Variants in ATAD2 observed in about 807,000 individuals in gnomAD.
ATAD2 encodes the protein ATPase family AAA domain-containing protein 2.
In ATAD2, 62 loss-of-function variants were observed where a neutral mutation model predicts 168.9. That is an observed-to-expected ratio of 0.37 (90% confidence interval 0.30 to 0.45). The LOEUF is 0.45. Ranked by LOEUF, ATAD2 falls within the 20% of genes least tolerant of loss-of-function variation. The pLI, the probability that ATAD2 is intolerant of heterozygous loss-of-function variation, is 1.00. For missense variants in ATAD2, 1,419 were observed against 1,667.8 expected (o/e 0.85, Z 2.60); for synonymous variants, 613 against 571.6 (o/e 1.07, Z -1.03).
chr8:123,413,231 C>G (rs1026325756), intron 1 of ATAD2, among the ~76,000 whole-genome samples: 1 of 149,654 alleles, frequency 6.7e-6, no homozygotes, highest in Non-Finnish European at 1.5e-5. Flanking sequence ...AGCGCCCCCC[C>G]CCCCCCAACT....
chr8:123,403,537 A>G (rs1813034341), intron 1 of ATAD2, among the ~76,000 whole-genome samples: 1 of 151,846 alleles, frequency 6.6e-6, no homozygotes, highest in Non-Finnish European at 1.5e-5. Context: ...CCTGGATTCA[A>G]CCAATCCTCC....
chr8:123,388,091 G>C (rs537135478), intron 1 of ATAD2, among the ~76,000 whole-genome samples: 2 of 152,242 alleles, frequency 1.3e-5, no homozygotes, highest in East Asian at 3.9e-4. Flanking sequence ...CTCCAACTTA[G>C]TTTCTACCTC....
At chr8:123,409,940 G>GAAA (rs33947485) in intron 1 of ATAD2, among the ~76,000 whole-genome samples, 11 of 102,862 alleles carry the variant, frequency 1.1e-4, no homozygotes, top group East Asian at 8.5e-4. Context: ...CTCCATCTCG[G>GAAA]AAAAAAAAAA....
chr8:123,388,945 T>C (rs889342612), intron 1 of ATAD2, among the ~76,000 whole-genome samples: 1 of 151,774 alleles, frequency 6.6e-6, no homozygotes, highest in African/African-American at 2.4e-5. Context: ...CTTAATTCTT[T>C]TTGTGCTTTG....
At chr8:123,389,850 T>C (rs1416458609) in intron 1 of ATAD2, among the ~76,000 whole-genome samples, 1 of 148,956 alleles carries the variant, frequency 6.7e-6, no homozygotes, top group Non-Finnish European at 1.5e-5. Flanking sequence ...ACTAAGAATC[T>C]AGTAATGAGG....
intron 1 of ATAD2, among the ~76,000 whole-genome samples, chr8:123,389,508 C>T (rs1465994903): frequency 2.6e-5 from 4 of 151,406 alleles, no homozygotes; most frequent in South Asian, 2.1e-4. Flanking sequence ...GGCGTGGTGG[C>T]GGGCGCCTGT....
chr8:123,351,998 T>C (rs1228907784), intron 13 of ATAD2, among the ~76,000 whole-genome samples: 1 of 152,202 alleles, frequency 6.6e-6, no homozygotes. Context: ...TCCACCCGCC[T>C]TGGCCTCCCA....
chr8:123,366,763 A>C (rs1010181922), intron 8 of ATAD2, among the ~76,000 whole-genome samples: 2 of 151,986 alleles, frequency 1.3e-5, no homozygotes, highest in Non-Finnish European at 2.9e-5. Flanking sequence ...TGAGGGATAA[A>C]AGACAACAAG....
chr8:123,405,506 T>G (rs1264140546), intron 1 of ATAD2, among the ~76,000 whole-genome samples: 1 of 152,000 alleles, frequency 6.6e-6, no homozygotes, highest in Non-Finnish European at 1.5e-5. Context: ...TCAGATGATC[T>G]GCCCACCTCG....
chr8:123,393,933 A>T (rs1176216730), intron 1 of ATAD2, among the ~76,000 whole-genome samples: 1 of 152,104 alleles, frequency 6.6e-6, no homozygotes, highest in Admixed American at 6.6e-5. Context: ...ATAAATAAAT[A>T]AATAATCCAG....
intron 13 of ATAD2, among the ~76,000 whole-genome samples, chr8:123,350,494 C>T (rs956086887): frequency 6.8e-4 from 103 of 152,252 alleles, no homozygotes; most frequent in African/African-American, 2.4e-3. Flanking sequence ...AATCCAGGAC[C>T]CACACACTAC....
In ATAD2 at chr8:123,402,724, G is replaced by A. The variant is rs578026754; in HGVS notation, c.-2281-1549C>T. Among the ~76,000 whole-genome samples, 219 of 152,252 alleles carry A rather than the reference G, an allele frequency of 1.4e-3. 1 individual carries two copies. Among genetic ancestry groups the A allele is most frequent in the African/African-American group, 4.9e-3 (205 of 41,540 alleles). On this transcript the variant is annotated intron_variant, in intron 1 of 28. Transcript: ENST00000521903. This position sits in a 1 kb window ranked among gnomAD's most constrained non-coding sequence, Gnocchi z 4.8. ...TACCATTCCTGCCCTCTCCTCAGCT[G>A]TAGTTGAAGGCTTTAACTTTGCACA...
intron 19 of ATAD2, among the ~76,000 whole-genome samples, chr8:123,344,157 T>G (rs1342187306): frequency 1.3e-5 from 2 of 151,682 alleles, no homozygotes; most frequent in South Asian, 4.2e-4. Flanking sequence ...TAGAAAAAAA[T>G]CTGGAAAACA....
At position 123,402,265 on chromosome 8, in the gene ATAD2, C is replaced by T. The variant is rs550654028; in HGVS notation, c.-2281-1090G>A. ...GGCGAAGTTGTGAGGGGTCTGTGACCCCTCGCTGGGCATCCCCTGCAGAGT... is the reference window on the plus strand; with the variant it reads ...GGCGAAGTTGTGAGGGGTCTGTGACTCCTCGCTGGGCATCCCCTGCAGAGT... On this transcript the variant is annotated intron_variant, in intron 1 of 28. Coordinates refer to the ATAD2 transcript ENST00000521903. This position sits in a 1 kb window ranked among gnomAD's most constrained non-coding sequence, Gnocchi z 4.8. 6.6e-6 allele frequency among the ~76,000 whole-genome samples: 1 copy of T among 152,150 alleles called. No homozygotes were observed. The highest frequency in any genetic ancestry group is 1.9e-4 in the East Asian group (1 of 5,156).
chr8:123,353,753 G>C (rs1215464496), intron 13 of ATAD2, among the ~76,000 whole-genome samples: 1 of 151,886 alleles, frequency 6.6e-6, no homozygotes, highest in Non-Finnish European at 1.5e-5. Flanking sequence ...CCAGAGTTAG[G>C]ATTTTTTTTT....
chr8:123,381,379 T>C (rs1829489143), intron 1 of ATAD2, among the ~76,000 whole-genome samples: 1 of 152,140 alleles, frequency 6.6e-6, no homozygotes, highest in African/African-American at 2.4e-5. Context: ...AGCACACCTG[T>C]GGTCCCAGTT....
chr8:123,341,903 A>G (rs1205368914), intron 19 of ATAD2, among the ~76,000 whole-genome samples: 1 of 152,172 alleles, frequency 6.6e-6, no homozygotes, highest in East Asian at 1.9e-4. Context: ...CCTGGCCAAC[A>G]TGGTGAAACC....
intron 24 of ATAD2, 90 bp downstream of exon 24, chr8:123,333,788 C>A: frequency 7.3e-7 from 1 of 1,363,750 alleles, no homozygotes; most frequent in East Asian, 2.5e-5. Context: ...ACTGCATTAA[C>A]ACAAATAAAG....
Position 123,336,420 on chromosome 8 carries a change from A to C in ATAD2, c.3164T>G (p.Leu1055Arg). 6.3e-7 allele frequency: 1 copy of C among 1,584,744 alleles called. No homozygotes were observed. Among genetic ancestry groups the C allele is most frequent in the Non-Finnish European group, 8.5e-7 (1 of 1,171,164 alleles). ...TVKDYLRDID[L>R]ICSNALEYNP... is the part of the protein sequence containing the mutation. Reference sequence around the variant, plus strand: ...GTATTCTAAGGCATTACTACAGATTAGATCAATATCTCTCAAATAGTCTTT... The same window carrying C: ...GTATTCTAAGGCATTACTACAGATTCGATCAATATCTCTCAAATAGTCTTT... The change falls in exon 22 of 28, where the codon CTA (leucine) becomes CGA (arginine). Residue 1055 changes from leucine to arginine, a missense_variant. By Grantham distance (102) the Leu-to-Arg change is moderately radical (BLOSUM62 -2). Coordinates refer to ENST00000287394, the MANE Select transcript of ATAD2 (RefSeq NM_014109.4).
Sources: allele counts gnomAD v4.1 joint callset (sites outside exome capture counted in the v4.1 genomes callset), GRCh38; gene constraint gnomAD v4.1.1; non-coding constraint Gnocchi (gnomAD v3.1); transcripts MANE v1.5; gene names NCBI Gene and HGNC (gene_info 2026-07-23, HGNC 2026-07-21).